Variants in CDH8 observed in about 807,000 individuals in gnomAD.
CDH8 encodes cadherin-8.
A neutral mutation model predicts 68.1 loss-of-function variants in CDH8; 17 were observed. The ratio of observed to expected loss-of-function variants is 0.25; its 90% CI spans 0.17 to 0.37. CDH8 has a LOEUF of 0.37. Among genes scored for constraint, CDH8 ranks in the 10% least tolerant of loss-of-function variants. CDH8 has a pLI of 1.00. For missense variants in CDH8, 763 were observed against 999.3 expected, an observed-to-expected ratio of 0.76 and a Z score of 3.19; for synonymous variants, 372 against 365.1, an observed-to-expected ratio of 1.02 and a Z score of -0.21.
chr16:61,724,295 A>G (rs1959278717), intron 9 of CDH8, among the ~76,000 whole-genome samples: 1 of 150,810 alleles, frequency 6.6e-6, no homozygotes, highest in African/African-American at 2.4e-5. Flanking sequence ...CTGCCTAGAC[A>G]AGAGAAAGCG....
Position 61,817,613 on chromosome 16 carries a change from C to T in CDH8, c.1143G>A (p.Val381=). 1.9e-6 allele frequency: 3 copies of T among 1,613,882 alleles called. No individual in the cohort carries two copies. The highest frequency in any genetic ancestry group is 2.5e-6 in the Non-Finnish European group (3 of 1,179,954). Residue 381 remains valine, a synonymous_variant, in exon 7 of 12, where the codon GTG becomes GTA. Transcript: ENST00000577390. ...PFKDTATVKI[V]VEDADEPPVF... ...CCGGAGGCTCATCAGCATCTTCAACCACGATTTTGACTGTCGCCGTGTCTT... is the reference window on the plus strand; with the variant it reads ...CCGGAGGCTCATCAGCATCTTCAACTACGATTTTGACTGTCGCCGTGTCTT...
chr16:61,905,078 T>C (rs1964040596), intron 2 of CDH8, among the ~76,000 whole-genome samples: 1 of 152,162 alleles, frequency 6.6e-6, no homozygotes, highest in African/African-American at 2.4e-5. Context: ...TGTAGAAAAA[T>C]TGTCTTCCAC....
At chr16:62,018,018 C>G (rs896880597) in intron 2 of CDH8, among the ~76,000 whole-genome samples, 9 of 152,286 alleles carry the variant, frequency 5.9e-5, no homozygotes, top group Non-Finnish European at 8.8e-5. Context: ...ATTAAGAATA[C>G]AATTACAACT....
chr16:61,832,331 AATAGATAGATAGATAGATAG>A (rs35346881), intron 4 of CDH8, among the ~76,000 whole-genome samples: 1,542 of 143,178 alleles, frequency 0.011, 21 homozygotes, highest in African/African-American at 0.036. Context: ...ACAGATAGAT[AATAGATAGATAGATAGATAG>A]ATAGATAGAT....
intron 2 of CDH8, among the ~76,000 whole-genome samples, chr16:61,912,445 C>T (rs887185331): frequency 6.6e-6 from 1 of 151,978 alleles, no homozygotes; most frequent in African/African-American, 2.4e-5. Context: ...ATCACATTTT[C>T]GAGTTTCTGT....
chr16:62,001,194 C>A (rs1005635865), intron 2 of CDH8, among the ~76,000 whole-genome samples: 2 of 152,112 alleles, frequency 1.3e-5, no homozygotes, highest in African/African-American at 4.8e-5. Flanking sequence ...ATTTGACCAC[C>A]TACATGGAGA....
chr16:61,917,968 CTTTTTTT>C (rs71390381), intron 2 of CDH8, among the ~76,000 whole-genome samples: 35 of 131,804 alleles, frequency 2.7e-4, no homozygotes, highest in African/African-American at 6.9e-4. Context: ...AAGTTATTTG[CTTTTTTT>C]TTTTTTTTTT....
chr16:61,962,179 C>A (rs1428467896), intron 2 of CDH8, among the ~76,000 whole-genome samples: 1 of 152,056 alleles, frequency 6.6e-6, no homozygotes, highest in East Asian at 1.9e-4. Context: ...GGAGGAGGGG[C>A]TTGTCTTGCT....
intron 7 of CDH8, among the ~76,000 whole-genome samples, chr16:61,796,750 T>C (rs1240894338): frequency 2.0e-5 from 3 of 152,048 alleles, no homozygotes; most frequent in Non-Finnish European, 2.9e-5. Context: ...AGGATACAAA[T>C]TCAAGAAAAT....
chr16:61,987,644 C>T (rs144135314), intron 2 of CDH8, among the ~76,000 whole-genome samples: 5 of 152,036 alleles, frequency 3.3e-5, no homozygotes, highest in African/African-American at 1.2e-4. Flanking sequence ...AAATACAGGT[C>T]TGACTGATTT....
In CDH8 at chr16:61,899,646, G is replaced by A. The variant is rs560119434; in HGVS notation, c.547+1533C>T. Among the ~76,000 whole-genome samples the A allele has an allele frequency of 3.0e-4, 45 of 152,192 alleles. 1 individual carries two copies. The South Asian group carries it at 8.3e-3, about 28-fold the overall frequency. On this transcript the variant is annotated intron_variant, in intron 3 of 11. Transcript: ENST00000577390. ...GGAACAAAATCACCTTAAGGAGTAC[G>A]CGACAAAATAAGAGAAAGTCATTCA...
rs186696208 is a variant in CDH8 at position 61,883,272 on chromosome 16, T to C, written c.547+17907A>G. 2.6e-5 allele frequency among the ~76,000 whole-genome samples: 4 copies of C among 152,316 alleles called. No individual in the cohort carries two copies. In the East Asian group the frequency reaches 7.7e-4, roughly 29 times the overall value. Reference sequence around the variant, plus strand: ...ATGCAAGCAATCAATATTAATCAGCTTTAAATTTGTAGTGAGATTTTTATC... The same window carrying C: ...ATGCAAGCAATCAATATTAATCAGCCTTAAATTTGTAGTGAGATTTTTATC... On this transcript the variant is annotated intron_variant, in intron 3 of 11. Transcript: ENST00000577390.
intron 8 of CDH8, among the ~76,000 whole-genome samples, chr16:61,761,751 C>T (rs1234841800): frequency 6.6e-6 from 1 of 151,942 alleles, no homozygotes; most frequent in African/African-American, 2.4e-5. Flanking sequence ...GTCTGTAATC[C>T]CAGGACTTTG....
intron 10 of CDH8, among the ~76,000 whole-genome samples, chr16:61,708,905 T>C (rs1202982432): frequency 6.6e-6 from 1 of 152,166 alleles, no homozygotes; most frequent in Non-Finnish European, 1.5e-5. Flanking sequence ...ACAACTTACA[T>C]GGAAAACACT....
At position 61,821,001 on chromosome 16, in the gene CDH8, G is replaced by T; in HGVS notation, c.948C>A (p.Ile316=). 2 of 1,612,602 alleles carry T rather than the reference G, an allele frequency of 1.2e-6. No homozygotes were observed. Among genetic ancestry groups the T allele is most frequent in the Non-Finnish European group, 8.5e-7 (1 of 1,178,972 alleles). Residue 316 remains isoleucine (I), a synonymous_variant, in exon 6 of 12, where the codon ATC becomes ATA. Coordinates refer to ENST00000577390, the MANE Select transcript of CDH8 (RefSeq NM_001796.5). ...GENAQSSYDI[I]DGDGTALFEI... ...CAAAAAGTGCTGTTCCATCTCCATC[G>T]ATGATATCATATGATGACTGTGCAT...
chr16:61,910,633 T>G (rs2143323044), intron 2 of CDH8, among the ~76,000 whole-genome samples: 1 of 152,276 alleles, frequency 6.6e-6, no homozygotes, highest in South Asian at 2.1e-4. Context: ...TTCTTGTCAT[T>G]ATTAACATTA....
At chr16:61,712,229 C>T (rs969963718) in intron 10 of CDH8, among the ~76,000 whole-genome samples, 8 of 151,578 alleles carry the variant, frequency 5.3e-5, no homozygotes, top group Non-Finnish European at 5.9e-5. Flanking sequence ...ATTAAATCTC[C>T]TGTTTAAAAA....
chr16:61,793,381 A>G (rs936582363), intron 7 of CDH8, among the ~76,000 whole-genome samples: 1 of 151,916 alleles, frequency 6.6e-6, no homozygotes, highest in Non-Finnish European at 1.5e-5. Context: ...AGTATCCATT[A>G]GTTATTTTTT....
chr16:61,728,403 T>C (rs1959437880), intron 8 of CDH8, among the ~76,000 whole-genome samples: 2 of 151,082 alleles, frequency 1.3e-5, no homozygotes, highest in African/African-American at 4.8e-5. Context: ...AATATTCTAA[T>C]TTGGTTAACT....
Sources: gnomAD v4.1 joint callset for allele counts (sites outside exome capture counted in the v4.1 genomes callset) on GRCh38, gnomAD v4.1.1 for gene constraint, MANE v1.5 for transcripts, NCBI Gene and HGNC (gene_info 2026-07-23, HGNC 2026-07-21) for gene names.